The following ADARB1 variants were observed in gnomAD, a reference collection of about 807,000 sequenced individuals.
ADARB1 encodes the protein double-stranded RNA-specific editase 1.
In ADARB1, 10 loss-of-function variants were observed where a neutral mutation model predicts 52.4. The ratio of observed to expected loss-of-function variants is 0.19; its 90% CI spans 0.12 to 0.32. The LOEUF (loss-of-function observed/expected upper bound fraction) is 0.32, where lower values mean the gene tolerates loss of function less well. ADARB1 is among the 10% of genes least tolerant of loss of function. The probability of loss-of-function intolerance (pLI) is 1.00; values close to 1 mark genes in which losing one functional copy is unlikely to be tolerated. For synonymous variants in ADARB1, 349 were observed against 371.1 expected (o/e 0.94, Z 0.68); for missense variants, 643 against 922.3 (o/e 0.70, Z 3.92).
At chr21:45,192,098 G>A (rs893059383) in intron 8 of ADARB1, among the ~76,000 whole-genome samples, 25 of 151,694 alleles carry the variant, frequency 1.6e-4, no homozygotes, top group Admixed American at 2.6e-4. Context: ...TAAGCCAGTC[G>A]ATTGTGGCAT....
At chr21:45,184,356 AG>A (rs1307385009) in intron 7 of ADARB1, 1 of 157,862 alleles carries the variant, frequency 6.3e-6, no homozygotes, top group African/African-American at 2.4e-5. Context: ...AAATCATTTC[AG>A]TTAAAGTGAA....
intron 3 of ADARB1, 103 bp downstream of exon 3, chr21:45,171,787 T>C: frequency 9.1e-7 from 1 of 1,103,376 alleles, no homozygotes; most frequent in Non-Finnish European, 1.3e-6. Flanking sequence ...GGATTGTGTT[T>C]TTTCCCGTAA....
At position 45,220,871 on chromosome 21, in the gene ADARB1, G is replaced by T; in HGVS notation, c.1783G>T (p.Ala595Ser). ...SNAEARQPGK[A>S]PNFSVNWTVG... is the part of the protein sequence containing the mutation. Reference sequence around the variant, plus strand: ...TGCAGAAGCACGGCAGCCAGGGAAGGCCCCCAACTTCAGTGTCAACTGGAC... The same window carrying T: ...TGCAGAAGCACGGCAGCCAGGGAAGTCCCCCAACTTCAGTGTCAACTGGAC... Residue 595 changes from alanine (A) to serine (S), a missense_variant, in exon 10 of 11, where the codon GCC (alanine) becomes TCC (serine). Transcript: ENST00000348831. The surrounding 1 kb of genome is among the most constrained non-coding windows in gnomAD (Gnocchi z 6.3). The T allele has an allele frequency of 6.2e-7, 1 of 1,613,398 alleles. No individual in the cohort carries two copies. The highest frequency in any genetic ancestry group is 1.6e-4 in the Middle Eastern group (1 of 6,062).
At chr21:45,202,180 C>T (rs554484794) in intron 8 of ADARB1, among the ~76,000 whole-genome samples, 233 of 152,238 alleles carry the variant, frequency 1.5e-3, no homozygotes, top group African/African-American at 5.2e-3. Context: ...TAGGAGAGGG[C>T]GTCATGACAC....
chr21:45,170,742 ATCT>A (rs1017274033), intron 2 of ADARB1, among the ~76,000 whole-genome samples: 3 of 152,154 alleles, frequency 2.0e-5, no homozygotes, highest in East Asian at 1.9e-4. Flanking sequence ...AAATTTGCAA[ATCT>A]TCTTTTTCCT....
At chr21:45,124,233 T>C (rs183080680) in intron 1 of ADARB1, among the ~76,000 whole-genome samples, 1 of 152,374 alleles carries the variant, frequency 6.6e-6, no homozygotes, top group Non-Finnish European at 1.5e-5. Context: ...CTTTTCATCT[T>C]CACAGAAGTG....
At chr21:45,212,127 A>G (rs2092781221) in intron 9 of ADARB1, among the ~76,000 whole-genome samples, 1 of 152,180 alleles carries the variant, frequency 6.6e-6, no homozygotes, top group South Asian at 2.1e-4. Context: ...TTCAACAGTA[A>G]TCCTTTATTT....
chr21:45,225,875 A>T lies in ADARB1; in HGVS notation c.*3678A>T, dbSNP rs1002614774. 24 of 283,856 alleles carry T rather than the reference A, an allele frequency of 8.5e-5. No homozygotes were observed. The highest frequency in any genetic ancestry group is 1.3e-4 in the Non-Finnish European group (20 of 153,406). 17.6% of individuals were successfully genotyped at this position (283,856 alleles called of 1,614,324 possible). ...CCAGTTTACAGCGTCTCTGCCCCCT[A>T]GCGTGTTTTGTGACAATCTCCCTGG... is the stretch of plus-strand genomic sequence containing the variant. On this transcript the variant is annotated 3_prime_UTR_variant, in exon 11 of 11. Transcript: ENST00000348831.
At chr21:45,132,405 G>A (rs73230681) in intron 2 of ADARB1, 1 of 152,202 alleles carries the variant, frequency 6.6e-6, no homozygotes, top group Admixed American at 6.5e-5. Context: ...GCTTTTATTT[G>A]TTCTTCTACC....
At chr21:45,133,886 TGTGTGCGCCCGACGGGG>T (rs1371624885) in intron 2 of ADARB1, among the ~76,000 whole-genome samples, 2 of 110,834 alleles carry the variant, frequency 1.8e-5, no homozygotes, top group Admixed American at 1.9e-4. Flanking sequence ...CCGACAGTGG[TGTGTGCGCCCGACGGGG>T]GTGTGTGCCC....
At chr21:45,170,839 G>A (rs578114961) in intron 2 of ADARB1, among the ~76,000 whole-genome samples, 125 of 152,236 alleles carry the variant, frequency 8.2e-4, no homozygotes, top group Non-Finnish European at 1.4e-3. Context: ...TTAAGAAGAG[G>A]AAACTCTTAA....
At position 45,100,079 on chromosome 21, in the gene ADARB1, T is replaced by C. The variant is rs183682877; in HGVS notation, c.-220+25286T>C. Among the ~76,000 whole-genome samples the C allele has an allele frequency of 1.4e-4, 22 of 152,358 alleles. No homozygotes were observed. The South Asian group carries it at 2.1e-3, about 14-fold the overall frequency. On this transcript the variant is annotated intron_variant, in intron 1 of 10. Transcript: ENST00000348831. The stretch of plus-strand genomic sequence containing the variant: ...TCTTCCCTTTCCAAAACTTTCCTTT[T>C]TCTCCCCCCGTGTTAAAGATTTAAA...
chr21:45,087,078 C>T (rs566236617), intron 1 of ADARB1, among the ~76,000 whole-genome samples: 1 of 152,158 alleles, frequency 6.6e-6, no homozygotes, highest in Non-Finnish European at 1.5e-5. Context: ...TGAGTTCTTA[C>T]CGGGTGTTTG....
intron 1 of ADARB1, among the ~76,000 whole-genome samples, chr21:45,112,910 G>A (rs1008230712): frequency 2.6e-5 from 4 of 152,076 alleles, no homozygotes; most frequent in East Asian, 1.9e-4. Flanking sequence ...GAGGGGCCAC[G>A]TGTGTCCTGT....
In ADARB1 at chr21:45,128,647, A is replaced by C. The variant is rs528120217; in HGVS notation, c.-48+74A>C. ...CCTTTTTCTTGATATAAACCGCTTAATTAAGCCTTTTGGCTTGCCTTTGAA... is the reference window on the plus strand; with the variant it reads ...CCTTTTTCTTGATATAAACCGCTTACTTAAGCCTTTTGGCTTGCCTTTGAA... On this transcript the variant is annotated intron_variant, in intron 2 of 10. Transcript: ENST00000348831. The surrounding 1 kb of genome is among the most constrained non-coding windows in gnomAD (Gnocchi z 4.6). 6.6e-6 allele frequency: 1 copy of C among 152,392 alleles called. No homozygotes were observed. The highest frequency in any genetic ancestry group is 2.1e-4 in the South Asian group (1 of 4,830). 9.4% of individuals were successfully genotyped at this position (152,392 alleles called of 1,614,324 possible).
At chr21:45,141,793 C>T (rs946617682) in intron 2 of ADARB1, among the ~76,000 whole-genome samples, 3 of 151,436 alleles carry the variant, frequency 2.0e-5, no homozygotes, top group Admixed American at 1.3e-4. Flanking sequence ...GCCTTAGCCA[C>T]GCCTGGGCCA....
chr21:45,077,499 A>G (rs1282215899), intron 1 of ADARB1, among the ~76,000 whole-genome samples: 1 of 152,192 alleles, frequency 6.6e-6, no homozygotes, highest in East Asian at 1.9e-4. Flanking sequence ...ACCCGTCTCT[A>G]CTAAAAAAAT....
chr21:45,184,059 T>G (rs2092015511), intron 7 of ADARB1, among the ~76,000 whole-genome samples: 1 of 152,324 alleles, frequency 6.6e-6, no homozygotes, highest in African/African-American at 2.4e-5. Context: ...TACATTACTT[T>G]CCTTGTTTAT....
At chr21:45,202,906 A>T (rs375676947) in intron 8 of ADARB1, among the ~76,000 whole-genome samples, 1 of 147,064 alleles carries the variant, frequency 6.8e-6, no homozygotes, top group African/African-American at 2.6e-5. Context: ...CGCATGCCAC[A>T]CTGTGCTGAG....
Sources: allele counts gnomAD v4.1 joint callset (sites outside exome capture counted in the v4.1 genomes callset), GRCh38; gene constraint gnomAD v4.1.1; non-coding constraint Gnocchi (gnomAD v3.1); transcripts MANE v1.5; gene names NCBI Gene and HGNC (gene_info 2026-07-23, HGNC 2026-07-21).